Variants in PARD3 observed in about 807,000 individuals in gnomAD.
PARD3 encodes the protein partitioning defective 3 homolog.
A neutral mutation model predicts 155.4 loss-of-function variants in PARD3; 75 were observed. That is an observed-to-expected ratio of 0.48 (90% CI 0.40 to 0.58). PARD3 has a LOEUF of 0.58. Among genes scored for constraint, PARD3 ranks in the 20% least tolerant of loss-of-function variants. The pLI, the probability that PARD3 is intolerant of heterozygous loss-of-function variation, is 0.00. For synonymous variants in PARD3, 576 were observed against 610.5 expected (o/e 0.94, Z 0.83); for missense variants, 1,642 against 1,721.7 (o/e 0.95, Z 0.82).
intron 2 of PARD3, among the ~76,000 whole-genome samples, chr10:34,586,954 A>C (rs185083777): frequency 6.6e-6 from 1 of 152,180 alleles, no homozygotes; most frequent in Non-Finnish European, 1.5e-5. Context: ...CATCTCCGAA[A>C]AAAAGAAGGC....
At chr10:34,619,720 T>A (rs1397794914) in intron 2 of PARD3, among the ~76,000 whole-genome samples, 2 of 152,096 alleles carry the variant, frequency 1.3e-5, no homozygotes, top group Non-Finnish European at 2.9e-5. Flanking sequence ...CATTTTAGGA[T>A]CATCTGGTTT....
chr10:34,145,215 ATATATATTTTTTTT>A (rs1242285351), intron 22 of PARD3, among the ~76,000 whole-genome samples: 12 of 57,610 alleles, frequency 2.1e-4, no homozygotes, highest in Admixed American at 4.7e-4. Flanking sequence ...ATATATATAT[ATATATATTTTTTTT>A]TTTTTTTTTT....
chr10:34,420,326 T>C (rs554703583), intron 5 of PARD3, among the ~76,000 whole-genome samples: 16 of 152,342 alleles, frequency 1.1e-4, no homozygotes, highest in African/African-American at 3.6e-4. Flanking sequence ...TTTCTGTAGA[T>C]ACGTGAAGAG....
chr10:34,757,619 G>A (rs1430339108), intron 1 of PARD3, among the ~76,000 whole-genome samples: 1 of 152,072 alleles, frequency 6.6e-6, no homozygotes, highest in Non-Finnish European at 1.5e-5. Context: ...GCTGAGGTGG[G>A]AGAATCGCTT....
chr10:34,301,632 A>G (rs922428801), intron 20 of PARD3, among the ~76,000 whole-genome samples: 1 of 152,100 alleles, frequency 6.6e-6, no homozygotes, highest in African/African-American at 2.4e-5. Flanking sequence ...CTACAGTGCC[A>G]GCCCTTCCCC....
At chr10:34,146,924 A>C (rs1948537687) in intron 22 of PARD3, among the ~76,000 whole-genome samples, 1 of 152,214 alleles carries the variant, frequency 6.6e-6, no homozygotes, top group Admixed American at 6.5e-5. Context: ...AGTAAACTGA[A>C]CCTGATTAAA....
intron 2 of PARD3, among the ~76,000 whole-genome samples, chr10:34,517,572 A>G (rs1295197484): frequency 1.3e-5 from 2 of 152,142 alleles, no homozygotes; most frequent in East Asian, 1.9e-4. Context: ...TAAAAAGGGG[A>G]TATTAAAAAC....
At position 34,110,658 on chromosome 10, in the gene PARD3, CCA is replaced by C. The variant is rs1946345788; in HGVS notation, c.*509_*510del. 1 of 152,422 alleles carries C rather than the reference CCA, an allele frequency of 6.6e-6. No individual in the cohort carries two copies. The highest frequency in any genetic ancestry group is 1.5e-5 in the Non-Finnish European group (1 of 68,230). The allele number at this position is 152,422 out of a possible 1,614,324, so 9.4% of individuals were successfully genotyped here. A position where few individuals can be genotyped will look rare whatever the true frequency, so the allele number is the denominator to read the frequency against. ...AAGAGCTGAGAAAGGAAAGAGAAAACCACAGTGATGACAAAGTACGACAAATG... is the reference window on the plus strand; with the variant it reads ...AAGAGCTGAGAAAGGAAAGAGAAAACCAGTGATGACAAAGTACGACAAATG... On this transcript the variant is annotated 3_prime_UTR_variant, in exon 25 of 25. Transcript: ENST00000374788.
At chr10:34,767,927 A>T (rs1838317957) in intron 1 of PARD3, among the ~76,000 whole-genome samples, 1 of 152,242 alleles carries the variant, frequency 6.6e-6, no homozygotes, top group East Asian at 2.0e-4. Context: ...GTCTCAAAAA[A>T]AAAAGAGATT....
In PARD3 at chr10:34,352,962, A is replaced by G. The variant is rs560848131; in HGVS notation, c.2068-4847T>C. ...GGGAGCGCCTCTGCCCCGCCGCCCC[A>G]TCTGGGATGTGAGGAGTGTCTCTGC... On this transcript the variant is annotated intron_variant, in intron 14 of 24. Transcript: ENST00000374788. Among the ~76,000 whole-genome samples the G allele has an allele frequency of 5.7e-4, 84 of 146,452 alleles. 1 individual carries two copies. The South Asian group carries it at 0.013, about 23-fold the overall frequency.
chr10:34,573,784 C>T (rs941612430), intron 2 of PARD3, among the ~76,000 whole-genome samples: 1 of 132,278 alleles, frequency 7.6e-6, no homozygotes, highest in Admixed American at 7.4e-5. Flanking sequence ...CACACACACA[C>T]AGAGAATCAG....
chr10:34,793,755 G>A (rs1841939395), intron 1 of PARD3, among the ~76,000 whole-genome samples: 1 of 150,664 alleles, frequency 6.6e-6, no homozygotes, highest in South Asian at 2.1e-4. Flanking sequence ...CATTGCCTGG[G>A]CAACAAGAGT....
intron 22 of PARD3, among the ~76,000 whole-genome samples, chr10:34,201,154 T>C (rs1197557071): frequency 6.6e-6 from 1 of 152,214 alleles, no homozygotes; most frequent in Non-Finnish European, 1.5e-5. Context: ...TGGGCCACTC[T>C]GAGTCTTTAA....
intron 9 of PARD3, among the ~76,000 whole-genome samples, chr10:34,379,345 A>G (rs1368325205): frequency 1.3e-5 from 2 of 152,148 alleles, no homozygotes; most frequent in Non-Finnish European, 2.9e-5. Context: ...AACATCAAAC[A>G]AAGCATTCAT....
At chr10:34,228,111 C>T (rs1952719532) in intron 22 of PARD3, among the ~76,000 whole-genome samples, 1 of 151,678 alleles carries the variant, frequency 6.6e-6, no homozygotes, top group Non-Finnish European at 1.5e-5. Context: ...CTGTCCTTTA[C>T]AGCAACACAG....
chr10:34,259,677 G>T lies in PARD3; in HGVS notation c.3419+9980C>A, dbSNP rs1016966878. Reference sequence around the variant, plus strand: ...TATCATGCCCATCATACAACGAGAGGAATGAACCAGAGATGTGGGAGAGAA... The same window carrying T: ...TATCATGCCCATCATACAACGAGAGTAATGAACCAGAGATGTGGGAGAGAA... On this transcript the variant is annotated intron_variant, in intron 22 of 24. Transcript: ENST00000374788. Among the ~76,000 whole-genome samples, 5 of 152,268 alleles carry T rather than the reference G, an allele frequency of 3.3e-5. No individual in the cohort carries two copies. In the South Asian group the frequency reaches 8.3e-4, roughly 25 times the overall value.
chr10:34,240,307 T>C (rs1953498860), intron 22 of PARD3, among the ~76,000 whole-genome samples: 1 of 152,222 alleles, frequency 6.6e-6, no homozygotes. Context: ...TTATTTTCAG[T>C]TCTGAGTAAG....
chr10:34,411,724 A>G (rs1040543863), intron 5 of PARD3, among the ~76,000 whole-genome samples: 22 of 134,376 alleles, frequency 1.6e-4, no homozygotes, highest in African/African-American at 5.7e-4. Context: ...ATCTAAAGAC[A>G]TACATATCTA....
At chr10:34,789,683 A>G (rs1422248479) in intron 1 of PARD3, among the ~76,000 whole-genome samples, 2 of 152,170 alleles carry the variant, frequency 1.3e-5, no homozygotes, top group East Asian at 3.9e-4. Flanking sequence ...TAACCTGGGC[A>G]ACAGAGCAAG....
Sources: gnomAD v4.1 joint callset for allele counts (sites outside exome capture counted in the v4.1 genomes callset) on GRCh38, gnomAD v4.1.1 for gene constraint, MANE v1.5 for transcripts, NCBI Gene and HGNC (gene_info 2026-07-23, HGNC 2026-07-21) for gene names.